THSD7A: variants seen among roughly 807,000 people sequenced by gnomAD.
THSD7A encodes thrombospondin type-1 domain-containing protein 7A.
A neutral mutation model predicts 231.3 loss-of-function variants in THSD7A; 96 were observed. The observed-to-expected ratio is 0.41, with a 90% CI of 0.35 to 0.49. The LOEUF (loss-of-function observed/expected upper bound fraction) is 0.49, where lower values mean the gene tolerates loss of function less well. THSD7A is among the 20% of genes least tolerant of loss of function. The pLI is 0.05. For synonymous variants in THSD7A, 940 were observed against 743.3 expected (o/e 1.26, Z -4.30); for missense variants, 2,290 against 2,070.2 (o/e 1.11, Z -2.06).
At chr7:11,824,648 T>G (rs1273330217) in intron 1 of THSD7A, among the ~76,000 whole-genome samples, 1 of 152,146 alleles carries the variant, frequency 6.6e-6, no homozygotes, top group African/African-American at 2.4e-5. Context: ...GAATTTGACT[T>G]TTTGATCCAA....
chr7:11,654,271 T>A (rs1160229141), intron 1 of THSD7A, among the ~76,000 whole-genome samples: 1 of 151,972 alleles, frequency 6.6e-6, no homozygotes, highest in African/African-American at 2.4e-5. Context: ...AGTCCTACAT[T>A]AAGTTTAAAA....
At chr7:11,755,146 G>C (rs1215184570) in intron 1 of THSD7A, among the ~76,000 whole-genome samples, 1 of 152,020 alleles carries the variant, frequency 6.6e-6, no homozygotes, top group Non-Finnish European at 1.5e-5. Context: ...GCGGAGGATT[G>C]AGGGCTGCTT....
chr7:11,466,470 G>A (rs1277307253), intron 9 of THSD7A, among the ~76,000 whole-genome samples: 1 of 152,020 alleles, frequency 6.6e-6, no homozygotes, highest in Non-Finnish European at 1.5e-5. Flanking sequence ...AGGCAAAACA[G>A]AAAAAACTGC....
At position 11,831,677 on chromosome 7, in the gene THSD7A, G is replaced by C; in HGVS notation, c.190+80C>G. ...ATAACCAAGCCATCCAAAAGCACCGGGGTCCCTACAGAAGCCCACCAGCTC... is the reference window on the plus strand; with the variant it reads ...ATAACCAAGCCATCCAAAAGCACCGCGGTCCCTACAGAAGCCCACCAGCTC... On this transcript the variant is annotated intron_variant, in intron 1 of 27. Transcript: ENST00000423059. This position sits in a 1 kb window ranked among gnomAD's most constrained non-coding sequence, Gnocchi z 5.0. The C allele has an allele frequency of 9.2e-7, 1 of 1,089,236 alleles. No homozygotes were observed. Among genetic ancestry groups the C allele is most frequent in the East Asian group, 3.3e-5 (1 of 30,538 alleles). 67.5% of individuals were successfully genotyped at this position (1,089,236 alleles called of 1,614,324 possible).
chr7:11,637,016 T>G lies in THSD7A; in HGVS notation c.191-55A>C. The G allele has an allele frequency of 6.7e-7, 1 of 1,493,436 alleles. No individual in the cohort carries two copies. Among genetic ancestry groups the G allele is most frequent in the Non-Finnish European group, 9.0e-7 (1 of 1,108,800 alleles). 92.5% of individuals were successfully genotyped at this position (1,493,436 alleles called of 1,614,324 possible). ...GTGCTACTAGAAGAAAACTACAAGTTACTGCACATTCCAGAAAGACCTTTC... is the reference window on the plus strand; with the variant it reads ...GTGCTACTAGAAGAAAACTACAAGTGACTGCACATTCCAGAAAGACCTTTC... On this transcript the variant is annotated intron_variant, in intron 1 of 27. Coordinates refer to ENST00000423059, the MANE Select transcript of THSD7A (RefSeq NM_015204.3). This position sits in a 1 kb window ranked among gnomAD's most constrained non-coding sequence, Gnocchi z 4.2.
At chr7:11,554,925 G>C (rs1789783433) in intron 4 of THSD7A, among the ~76,000 whole-genome samples, 1 of 151,848 alleles carries the variant, frequency 6.6e-6, no homozygotes, top group South Asian at 2.1e-4. Flanking sequence ...CTATCCTTTT[G>C]ATGTCTGTAA....
At chr7:11,435,470 C>T (rs149203264) in intron 13 of THSD7A, among the ~76,000 whole-genome samples, 13 of 151,980 alleles carry the variant, frequency 8.6e-5, no homozygotes, top group South Asian at 4.1e-4. Flanking sequence ...ACCTTTAAGA[C>T]GAGAGAGATT....
intron 1 of THSD7A, among the ~76,000 whole-genome samples, chr7:11,680,420 C>G (rs1253800306): frequency 6.6e-6 from 1 of 152,112 alleles, no homozygotes; most frequent in East Asian, 1.9e-4. Context: ...AGGCAACCTA[C>G]AGAATGGGAG....
chr7:11,430,928 C>G (rs1394469563), intron 13 of THSD7A, among the ~76,000 whole-genome samples: 1 of 152,110 alleles, frequency 6.6e-6, no homozygotes, highest in African/African-American at 2.4e-5. Flanking sequence ...CACTTTTTGT[C>G]TATCATGAAT....
Position 11,371,014 on chromosome 7 carries a change from C to A in THSD7A, c.*4780G>T, listed in dbSNP as rs1044880126. On this transcript the variant is annotated 3_prime_UTR_variant, in exon 28 of 28. Transcript: ENST00000423059. ...AATCTACAAAACACAACAAGACTGACAATTATATTCTAAATAATATAGAGA... is the reference window on the plus strand; with the variant it reads ...AATCTACAAAACACAACAAGACTGAAAATTATATTCTAAATAATATAGAGA... The A allele has an allele frequency of 6.6e-6, 1 of 152,090 alleles. No homozygotes were observed. The highest frequency in any genetic ancestry group is 2.4e-5 in the African/African-American group (1 of 41,418). The allele number at this position is 152,090 out of a possible 1,614,324, so 9.4% of individuals were successfully genotyped here. A position where few individuals can be genotyped will look rare whatever the true frequency, so the allele number is the denominator to read the frequency against.
intron 6 of THSD7A, among the ~76,000 whole-genome samples, chr7:11,524,133 T>C (rs1228270555): frequency 6.6e-6 from 1 of 152,188 alleles, no homozygotes; most frequent in Non-Finnish European, 1.5e-5. Flanking sequence ...AATGTTCTTA[T>C]ATGTTTAGTA....
intron 1 of THSD7A, among the ~76,000 whole-genome samples, chr7:11,810,110 T>A (rs540291875): frequency 1.3e-5 from 2 of 152,102 alleles, no homozygotes; most frequent in Non-Finnish European, 2.9e-5. Flanking sequence ...AGAAACTAGC[T>A]CTTAGCATAC....
At chr7:11,735,981 A>ACAT (rs1781901099) in intron 1 of THSD7A, among the ~76,000 whole-genome samples, 1 of 151,960 alleles carries the variant, frequency 6.6e-6, no homozygotes, top group Admixed American at 6.6e-5. Flanking sequence ...GTTATATTAA[A>ACAT]CATATTTAAA....
chr7:11,517,463 T>C (rs899923736), intron 6 of THSD7A, among the ~76,000 whole-genome samples: 4 of 150,590 alleles, frequency 2.7e-5, no homozygotes, highest in Non-Finnish European at 5.9e-5. Flanking sequence ...ACAGGGAATA[T>C]CATTAAAAAT....
At chr7:11,752,528 A>G (rs1425478289) in intron 1 of THSD7A, among the ~76,000 whole-genome samples, 4 of 152,042 alleles carry the variant, frequency 2.6e-5, no homozygotes, top group Admixed American at 2.6e-4. Flanking sequence ...GTTACTAGAG[A>G]TAAGATTATT....
intron 25 of THSD7A, 72 bp downstream of exon 25, chr7:11,379,558 T>G (rs1476365264): frequency 7.4e-7 from 1 of 1,353,176 alleles, no homozygotes; most frequent in African/African-American, 1.4e-5. Flanking sequence ...TGGAGGAAGA[T>G]AAACTGCATA....
intron 6 of THSD7A, among the ~76,000 whole-genome samples, chr7:11,509,519 G>C (rs1163503616): frequency 1.3e-5 from 2 of 152,014 alleles, no homozygotes; most frequent in South Asian, 4.2e-4. Flanking sequence ...CATGTTAACA[G>C]TGCAGTTACA....
At chr7:11,777,790 T>C (rs991448713) in intron 1 of THSD7A, among the ~76,000 whole-genome samples, 15 of 152,104 alleles carry the variant, frequency 9.9e-5, no homozygotes, top group Non-Finnish European at 1.9e-4. Flanking sequence ...ACCTGATGAT[T>C]GTTTAAATTA....
At chr7:11,605,409 AGTTGTTCCTACTG>A (rs1195921679) in intron 2 of THSD7A, among the ~76,000 whole-genome samples, 2 of 152,096 alleles carry the variant, frequency 1.3e-5, no homozygotes, top group African/African-American at 4.8e-5. Flanking sequence ...CTGGAGTGGA[AGTTGTTCCTACTG>A]GCTTAGTCTA....
Sources: gnomAD v4.1 joint callset for allele counts (sites outside exome capture counted in the v4.1 genomes callset) on GRCh38, gnomAD v4.1.1 for gene constraint, Gnocchi (gnomAD v3.1) non-coding constraint, MANE v1.5 for transcripts, NCBI Gene and HGNC (gene_info 2026-07-23, HGNC 2026-07-21) for gene names.